The following ELF1 variants were observed in gnomAD, a reference collection of about 807,000 sequenced individuals.
ELF1 encodes the protein ETS-related transcription factor Elf-1.
ELF1 carries 24 observed loss-of-function variants against 59.9 expected under a neutral mutation model. That is an observed-to-expected ratio of 0.40 (90% CI 0.29 to 0.56). The LOEUF (loss-of-function observed/expected upper bound fraction) is 0.56. Among genes scored for constraint, ELF1 ranks in the 20% least tolerant of loss-of-function variants. The pLI is 0.44. For missense variants in ELF1, 627 were observed against 742.2 expected (o/e 0.84, Z 1.80); for synonymous variants, 248 against 266.2 (o/e 0.93, Z 0.67).
chr13:41,039,755 AACTT>A (rs1232750593), intron 1 of ELF1, among the ~76,000 whole-genome samples: 1 of 152,216 alleles, frequency 6.6e-6, no homozygotes, highest in East Asian at 1.9e-4. Flanking sequence ...ATTTAATAAA[AACTT>A]AGGTAGTGGG....
intron 7 of ELF1, among the ~76,000 whole-genome samples, chr13:40,942,689 T>C (rs1037210813): frequency 1.3e-5 from 2 of 151,906 alleles, no homozygotes; most frequent in African/African-American, 4.8e-5. Flanking sequence ...CCTGGCTAAT[T>C]TTTTGTATTT....
intron 1 of ELF1, among the ~76,000 whole-genome samples, chr13:41,037,335 T>C (rs76333874): frequency 2.0e-3 from 300 of 152,226 alleles, no homozygotes; most frequent in Non-Finnish European, 3.5e-3. Context: ...AACAGAATAA[T>C]GAGAAATAAT....
At chr13:41,046,337 T>C (rs1204256379) in intron 1 of ELF1, among the ~76,000 whole-genome samples, 1 of 152,136 alleles carries the variant, frequency 6.6e-6, no homozygotes, top group African/African-American at 2.4e-5. Flanking sequence ...ACTATGTTAG[T>C]TGGTTATTTT....
At chr13:40,998,976 A>G (rs1211650805) in intron 1 of ELF1, among the ~76,000 whole-genome samples, 1 of 152,224 alleles carries the variant, frequency 6.6e-6, no homozygotes, top group Non-Finnish European at 1.5e-5. Context: ...GCGACTGAGC[A>G]AGACTCCGTC....
In ELF1 at chr13:40,982,008, C is replaced by G; in HGVS notation, c.47G>C (p.Ser16Thr). 3 of 1,610,664 alleles carry G rather than the reference C, an allele frequency of 1.9e-6. No homozygotes were observed. The highest frequency in any genetic ancestry group is 1.1e-5 in the South Asian group (1 of 90,512). ...CTGTCGTTCATCCTCCATGACGTTA[C>G]TAGCAAATTCAAATACTAGGTCGTT... The part of the protein sequence containing the change: ...QQNDLVFEFA[S>T]NVMEDERQLG... The change falls in exon 2 of 9, where the codon AGT becomes ACT. Residue 16 changes from serine to threonine, a missense_variant. By Grantham distance (58) the Ser-to-Thr change is moderately conservative. This residue lies in a region of ELF1 where 232 missense variants were observed against 269.2 expected (regional missense o/e 0.86). Transcript: ENST00000239882.
chr13:41,060,549 C>T (rs1045302069), intron 1 of ELF1, among the ~76,000 whole-genome samples: 1 of 152,112 alleles, frequency 6.6e-6, no homozygotes, highest in Non-Finnish European at 1.5e-5. Context: ...GCATTCGCTT[C>T]TCCAGCAGGC....
intron 1 of ELF1, among the ~76,000 whole-genome samples, chr13:41,057,861 TAC>T (rs1877346488): frequency 1.3e-5 from 2 of 152,214 alleles, no homozygotes; most frequent in African/African-American, 4.8e-5. Flanking sequence ...ATTTAAGATA[TAC>T]GTCTTACTGA....
chr13:40,947,460 T>C (rs1029226076), intron 5 of ELF1, among the ~76,000 whole-genome samples: 3 of 152,254 alleles, frequency 2.0e-5, no homozygotes, highest in Non-Finnish European at 2.9e-5. Context: ...GAGAATCACC[T>C]GAACCCAAGA....
At chr13:40,947,329 G>A (rs530891537) in intron 5 of ELF1, among the ~76,000 whole-genome samples, 2 of 152,208 alleles carry the variant, frequency 1.3e-5, no homozygotes, top group Admixed American at 1.3e-4. Flanking sequence ...ACCACTTGAG[G>A]TCAGGAGTTC....
chr13:40,977,544 G>C (rs1482120264), intron 2 of ELF1, among the ~76,000 whole-genome samples: 1 of 152,100 alleles, frequency 6.6e-6, no homozygotes, highest in African/African-American at 2.4e-5. Context: ...AATAGTGTCA[G>C]TTTCTTTAGA....
intron 2 of ELF1, among the ~76,000 whole-genome samples, chr13:40,967,315 T>C (rs1566174821): frequency 6.6e-6 from 1 of 152,322 alleles, no homozygotes; most frequent in East Asian, 1.9e-4. Flanking sequence ...CAGGTTCTTA[T>C]TTAAGGTAGG....
intron 1 of ELF1, among the ~76,000 whole-genome samples, chr13:41,026,511 G>A (rs1303019576): frequency 7.2e-5 from 11 of 152,160 alleles, no homozygotes; most frequent in African/African-American, 2.7e-4. Flanking sequence ...AGATCCAATG[G>A]TACTTGAGGT....
intron 1 of ELF1, among the ~76,000 whole-genome samples, chr13:41,037,394 C>A (rs1876424374): frequency 6.6e-6 from 1 of 152,188 alleles, no homozygotes; most frequent in South Asian, 2.1e-4. Flanking sequence ...CCTGTGGCCA[C>A]ATGGTTAGTA....
chr13:41,042,659 T>G (rs1358053151), intron 1 of ELF1, among the ~76,000 whole-genome samples: 1 of 152,218 alleles, frequency 6.6e-6, no homozygotes, highest in Non-Finnish European at 1.5e-5. Context: ...TATGGCTGCA[T>G]AGTATTCCAT....
chr13:40,979,840 A>G (rs1873154248), intron 2 of ELF1, among the ~76,000 whole-genome samples: 1 of 152,348 alleles, frequency 6.6e-6, no homozygotes, highest in African/African-American at 2.4e-5. Context: ...GGAAAACAAG[A>G]TTAGGACTAA....
chr13:40,988,419 A>G (rs759142331), intron 1 of ELF1, among the ~76,000 whole-genome samples: 5 of 152,212 alleles, frequency 3.3e-5, no homozygotes, highest in African/African-American at 4.8e-5. Context: ...TTTTTTCCTT[A>G]GCAGAATATC....
intron 1 of ELF1, among the ~76,000 whole-genome samples, chr13:40,998,097 A>G (rs981360822): frequency 6.6e-6 from 1 of 152,172 alleles, no homozygotes; most frequent in Admixed American, 6.5e-5. Context: ...CAGTTAGCTG[A>G]GATAGCATCA....
intron 2 of ELF1, among the ~76,000 whole-genome samples, chr13:40,971,672 T>C (rs376449365): frequency 2.6e-5 from 4 of 152,368 alleles, no homozygotes; most frequent in East Asian, 1.9e-4. Flanking sequence ...TGAAATTCCA[T>C]TGCAAATCCT....
intron 3 of ELF1, among the ~76,000 whole-genome samples, chr13:40,954,778 G>C (rs1358244417): frequency 6.6e-6 from 1 of 150,394 alleles, no homozygotes; most frequent in African/African-American, 2.4e-5. Flanking sequence ...GGAGTGCAGT[G>C]GCGTGATCTC....
Sources: allele counts gnomAD v4.1 joint callset (sites outside exome capture counted in the v4.1 genomes callset), GRCh38; gene constraint gnomAD v4.1.1; regional missense constraint gnomAD v4.1.1; transcripts MANE v1.5; gene names NCBI Gene and HGNC (gene_info 2026-07-23, HGNC 2026-07-21).